Variants in TMEM272 observed in about 807,000 individuals in gnomAD.
TMEM272 encodes long intergenic non-protein coding RNA 282.
A neutral mutation model predicts 3.7 loss-of-function variants in TMEM272; 8 were observed. That is an observed-to-expected ratio of 2.17 (90% CI 1.27 to 3.91). The LOEUF (loss-of-function observed/expected upper bound fraction) is 3.91, where lower values mean the gene tolerates loss of function less well. Ranked by LOEUF, TMEM272 falls within the 30% of genes most tolerant of loss-of-function variation. The pLI is 0.00. For synonymous variants in TMEM272, 63 were observed against 39.8 expected (o/e 1.58, Z -2.20); for missense variants, 166 against 91.5 (o/e 1.81, Z -3.32).
At chr13:51,930,804 G>A in the TMEM272 span, among the ~76,000 whole-genome samples, 5 of 148,314 alleles carry the variant, frequency 3.4e-5, no homozygotes, top group East Asian at 7.8e-4. Context: ...TAAACTATTT[G>A]ATTGGCTGAT....
At chr13:51,825,700 A>C (rs1956118854) in intron 3 of TMEM272, among the ~76,000 whole-genome samples, 1 of 149,408 alleles carries the variant, frequency 6.7e-6, no homozygotes, top group African/African-American at 2.5e-5. Context: ...TAGTGGCACG[A>C]TCATCCCACC....
intron 3 of TMEM272, among the ~76,000 whole-genome samples, chr13:51,823,379 A>G (rs1956096803): frequency 1.3e-5 from 2 of 152,258 alleles, no homozygotes; most frequent in African/African-American, 4.8e-5. Flanking sequence ...TGCCCAGCCC[A>G]GGCCAAAGCA....
chr13:51,868,734 C>A, the TMEM272 span, among the ~76,000 whole-genome samples: 1 of 152,204 alleles, frequency 6.6e-6, no homozygotes, highest in Non-Finnish European at 1.5e-5. Flanking sequence ...GAGCTCCTGG[C>A]AGGGAGAAAT....
At chr13:51,828,488 C>G (rs1956146103) in intron 2 of TMEM272, among the ~76,000 whole-genome samples, 1 of 152,146 alleles carries the variant, frequency 6.6e-6, no homozygotes, top group South Asian at 2.1e-4. Context: ...TTGACCTTCA[C>G]CTCCAGGAAA....
the TMEM272 span, among the ~76,000 whole-genome samples, chr13:51,914,956 T>C: frequency 6.6e-5 from 10 of 152,348 alleles, no homozygotes; most frequent in African/African-American, 2.4e-4. Context: ...CTAAATCTTA[T>C]ACAATCTGGA....
At chr13:51,914,128 G>C in the TMEM272 span, among the ~76,000 whole-genome samples, 1 of 152,216 alleles carries the variant, frequency 6.6e-6, no homozygotes, top group African/African-American at 2.4e-5. Flanking sequence ...AGGAAGCTGA[G>C]AGTACATGCT....
At chr13:51,903,983 G>GCA in the TMEM272 span, among the ~76,000 whole-genome samples, 1 of 148,526 alleles carries the variant, frequency 6.7e-6, no homozygotes, top group Admixed American at 6.7e-5. Context: ...TTAGAAAGAA[G>GCA]CATCTGGTCA....
chr13:51,904,980 G>A, the TMEM272 span, among the ~76,000 whole-genome samples: 1 of 152,142 alleles, frequency 6.6e-6, no homozygotes, highest in Non-Finnish European at 1.5e-5. Flanking sequence ...GTGCTGTGGG[G>A]TGTTTAACAG....
the TMEM272 span, among the ~76,000 whole-genome samples, chr13:51,926,092 A>G: frequency 1.3e-5 from 2 of 150,560 alleles, no homozygotes; most frequent in African/African-American, 4.9e-5. Flanking sequence ...AGTGTGTGGT[A>G]TGTGGTGTGT....
At chr13:51,883,293 G>A in the TMEM272 span, among the ~76,000 whole-genome samples, 2 of 152,206 alleles carry the variant, frequency 1.3e-5, no homozygotes, top group Non-Finnish European at 2.9e-5. Context: ...GTGAACAGGG[G>A]TATGTTACAG....
the TMEM272 span, among the ~76,000 whole-genome samples, chr13:51,901,300 G>C: frequency 1.3e-5 from 2 of 152,078 alleles, no homozygotes; most frequent in Non-Finnish European, 2.9e-5. Flanking sequence ...CTAGAAAGTT[G>C]TGCCTGGCAT....
the TMEM272 span, among the ~76,000 whole-genome samples, chr13:51,919,774 G>A: frequency 4.9e-3 from 746 of 152,344 alleles, 5 homozygotes; most frequent in African/African-American, 0.017. Context: ...GCGCACCTGC[G>A]TGAGCATGTC....
At chr13:51,851,167 C>G in the TMEM272 span, among the ~76,000 whole-genome samples, 14 of 152,094 alleles carry the variant, frequency 9.2e-5, no homozygotes, top group Non-Finnish European at 1.6e-4. Context: ...GACCCTGTCT[C>G]TACAAAAAGT....
the TMEM272 span, among the ~76,000 whole-genome samples, chr13:51,872,659 A>G: frequency 6.6e-6 from 1 of 152,222 alleles, no homozygotes; most frequent in African/African-American, 2.4e-5. Context: ...CTACAGAGAA[A>G]AAGTGGAAGA....
At chr13:51,931,420 G>T in the TMEM272 span, among the ~76,000 whole-genome samples, 38 of 151,310 alleles carry the variant, frequency 2.5e-4, no homozygotes, top group African/African-American at 8.0e-4. Flanking sequence ...ATTCTCACTC[G>T]TAAGTGGGAG....
intron 4 of TMEM272, among the ~76,000 whole-genome samples, chr13:51,821,176 T>C (rs1162440601): frequency 1.3e-5 from 2 of 152,236 alleles, no homozygotes; most frequent in African/African-American, 4.8e-5. Flanking sequence ...CTTGGCACTC[T>C]TGACTCAGTT....
At chr13:51,926,465 G>A in the TMEM272 span, among the ~76,000 whole-genome samples, 1 of 152,274 alleles carries the variant, frequency 6.6e-6, no homozygotes, top group East Asian at 1.9e-4. Context: ...CCTCCCCACT[G>A]CCGAGGTGAG....
chr13:51,910,700 C>A, the TMEM272 span: 1 of 406,238 alleles, frequency 2.5e-6, no homozygotes. Context: ...AATACACAGC[C>A]TTCTGTTCGG....
chr13:51,892,327 T>C, the TMEM272 span, among the ~76,000 whole-genome samples: 2 of 152,212 alleles, frequency 1.3e-5, no homozygotes, highest in Non-Finnish European at 2.9e-5. Context: ...CAGTTTTTCA[T>C]CATCATTGTC....
Sources: allele counts gnomAD v4.1 joint callset (sites outside exome capture counted in the v4.1 genomes callset), GRCh38; gene constraint gnomAD v4.1.1; transcripts MANE v1.5; gene names NCBI Gene and HGNC (gene_info 2026-07-23, HGNC 2026-07-21).